Variants in SLCO2A1 observed in about 807,000 individuals in gnomAD.
The protein encoded by SLCO2A1 is solute carrier organic anion transporter family member 2A1, also known as matrin F/G 1.
SLCO2A1 carries 60 observed loss-of-function variants against 71.7 expected under a neutral mutation model. The ratio of observed to expected loss-of-function variants is 0.84; its 90% CI spans 0.68 to 1.04. The LOEUF is 1.04. Ranked by LOEUF, SLCO2A1 falls within the 50% of genes least tolerant of loss-of-function variation. The probability of loss-of-function intolerance (pLI) is 0.00; values close to 1 mark genes in which losing one functional copy is unlikely to be tolerated. For missense variants in SLCO2A1, 745 were observed against 813.4 expected (o/e 0.92, Z 1.02); for synonymous variants, 308 against 326.7 (o/e 0.94, Z 0.62).
chr3:134,020,976 A>C (rs1054322034), intron 1 of SLCO2A1, among the ~76,000 whole-genome samples: 1 of 151,606 alleles, frequency 6.6e-6, no homozygotes, highest in Non-Finnish European at 1.5e-5. Context: ...GAACTTGCCC[A>C]CTCCATTTGA....
chr3:133,984,576 G>A (rs2108061118), intron 1 of SLCO2A1, among the ~76,000 whole-genome samples: 2 of 152,252 alleles, frequency 1.3e-5, no homozygotes, highest in Middle Eastern at 3.4e-3. Flanking sequence ...TATGTGATGG[G>A]ACCATGACCT....
intron 13 of SLCO2A1, 26 bp downstream of exon 13, chr3:133,935,748 G>A (rs1195463184): frequency 6.4e-7 from 1 of 1,555,492 alleles, no homozygotes; most frequent in East Asian, 2.3e-5. Flanking sequence ...CTGGCTCTGG[G>A]ACACACATAC....
chr3:133,984,394 G>T (rs950647904), intron 1 of SLCO2A1, among the ~76,000 whole-genome samples: 2 of 152,202 alleles, frequency 1.3e-5, no homozygotes, highest in African/African-American at 4.8e-5. Flanking sequence ...CCTGGCAGAG[G>T]TGTTTGTATA....
intron 5 of SLCO2A1, among the ~76,000 whole-genome samples, chr3:133,952,492 C>A (rs1933769895): frequency 2.0e-5 from 3 of 152,340 alleles, no homozygotes; most frequent in Admixed American, 6.5e-5. Flanking sequence ...TCCCCACATT[C>A]TCCACCCTAC....
chr3:133,940,982 CCT>C (rs1933406665), intron 11 of SLCO2A1, among the ~76,000 whole-genome samples: 1 of 152,104 alleles, frequency 6.6e-6, no homozygotes, highest in Non-Finnish European at 1.5e-5. Flanking sequence ...TACACCTGGG[CCT>C]CTCTGTGTCA....
intron 3 of SLCO2A1, among the ~76,000 whole-genome samples, chr3:133,964,765 T>C (rs1934124619): frequency 6.6e-6 from 1 of 152,168 alleles, no homozygotes; most frequent in South Asian, 2.1e-4. Flanking sequence ...CCTACTTGTA[T>C]TGAGGAGGCT....
chr3:133,955,262 C>A lies in SLCO2A1; in HGVS notation c.398-69G>T, dbSNP rs1001917613. 1.3e-4 allele frequency: 187 copies of A among 1,399,690 alleles called. No homozygotes were observed. In the Middle Eastern group the frequency reaches 2.7e-3, roughly 20 times the overall value. 86.7% of individuals were successfully genotyped at this position (1,399,690 alleles called of 1,614,324 possible). The stretch of plus-strand genomic sequence containing the variant: ...GGTTCCACCGGCTGGCCTCCAAACC[C>A]GGCCTTTCTCCCAGGCCCCTTGGGG... On this transcript the variant is annotated intron_variant, in intron 3 of 13. Transcript: ENST00000310926.
At chr3:133,967,968 C>T (rs1261631177) in intron 3 of SLCO2A1, among the ~76,000 whole-genome samples, 4 of 98,544 alleles carry the variant, frequency 4.1e-5, no homozygotes, top group African/African-American at 1.7e-4. Context: ...ACATGGACCC[C>T]TCCTCACCTC....
chr3:133,942,872 C>A, intron 10 of SLCO2A1, 104 bp from the exon 11 acceptor site: 1 of 1,234,180 alleles, frequency 8.1e-7, no homozygotes, highest in East Asian at 2.7e-5. Context: ...AGGTTTCAAC[C>A]CTTGTGTCCT....
intron 11 of SLCO2A1, among the ~76,000 whole-genome samples, chr3:133,939,772 A>G (rs1278818488): frequency 1.3e-5 from 2 of 152,086 alleles, no homozygotes; most frequent in Non-Finnish European, 2.9e-5. Flanking sequence ...GGCCACCCCA[A>G]TTTGGCTTTT....
chr3:133,973,585 C>A, intron 3 of SLCO2A1, 78 bp downstream of exon 3: 1 of 1,490,224 alleles, frequency 6.7e-7, no homozygotes, highest in Admixed American at 1.8e-5. Flanking sequence ...TATCCACTGC[C>A]CTAGGAGTAT....
chr3:134,008,235 TG>T (rs1380566064), intron 1 of SLCO2A1, among the ~76,000 whole-genome samples: 1 of 152,250 alleles, frequency 6.6e-6, no homozygotes, highest in Non-Finnish European at 1.5e-5. Context: ...AAATCCTTTT[TG>T]CTATCATATG....
rs550697948 is a variant in SLCO2A1, at chr3:133,936,082, A to T, written c.1691-185T>A. 2.8e-4 allele frequency among the ~76,000 whole-genome samples: 42 copies of T among 152,370 alleles called. 1 individual carries two copies. The highest frequency in any genetic ancestry group is 9.4e-4 in the African/African-American group (39 of 41,592). The stretch of plus-strand genomic sequence containing the variant: ...GTGAAGCCTGAATTTCTCTTTCACC[A>T]GAAGGCTTAGAAGACAAAAGGGACC... On this transcript the variant is annotated intron_variant, in intron 12 of 13. Transcript: ENST00000310926.
At chr3:133,989,429 C>G (rs1263153391) in intron 1 of SLCO2A1, among the ~76,000 whole-genome samples, 1 of 152,196 alleles carries the variant, frequency 6.6e-6, no homozygotes, top group East Asian at 1.9e-4. Context: ...TGAGACTTCC[C>G]TCTCTTGGGA....
chr3:133,971,323 G>A lies in SLCO2A1; in HGVS notation c.397+2340C>T, dbSNP rs534840588. On this transcript the variant is annotated intron_variant, in intron 3 of 13. Transcript: ENST00000310926. ...GGCCTCAAGCTCTCATTAGACCAAG[G>A]GGGAGAAAGTGTATGGCAGGAGCCT... Among the ~76,000 whole-genome samples, 21 of 152,372 alleles carry A rather than the reference G, an allele frequency of 1.4e-4. No individual in the cohort carries two copies. In the South Asian group the frequency reaches 4.1e-3, roughly 30 times the overall value.
At chr3:133,968,468 C>CT (rs1934242422) in intron 3 of SLCO2A1, among the ~76,000 whole-genome samples, 1 of 152,222 alleles carries the variant, frequency 6.6e-6, no homozygotes, top group Non-Finnish European at 1.5e-5. Flanking sequence ...CCACCGCCTT[C>CT]TTTCCCAGGG....
At chr3:134,001,100 G>A (rs1391735858) in intron 1 of SLCO2A1, among the ~76,000 whole-genome samples, 1 of 151,872 alleles carries the variant, frequency 6.6e-6, no homozygotes, top group East Asian at 1.9e-4. Context: ...TGGTGGGTGG[G>A]TCCACACAGA....
intron 8 of SLCO2A1, 132 bp from the exon 9 acceptor site, chr3:133,947,577 C>A (rs189295837): frequency 2.0e-5 from 15 of 731,822 alleles, no homozygotes; most frequent in African/African-American, 1.8e-4. Flanking sequence ...AAATTGTAAT[C>A]GAAGTAGCTG....
chr3:134,002,247 T>A (rs1359563253), intron 1 of SLCO2A1, among the ~76,000 whole-genome samples: 1 of 152,122 alleles, frequency 6.6e-6, no homozygotes, highest in Non-Finnish European at 1.5e-5. Flanking sequence ...CAAATTCCAA[T>A]ATGTGGTGGT....
Sources: allele counts gnomAD v4.1 joint callset (sites outside exome capture counted in the v4.1 genomes callset), GRCh38; gene constraint gnomAD v4.1.1; transcripts MANE v1.5; gene names NCBI Gene and HGNC (gene_info 2026-07-23, HGNC 2026-07-21).